The following DRC8 variants were observed in gnomAD, a reference collection of about 807,000 sequenced individuals.
The protein encoded by DRC8 is dynein regulatory complex subunit 8.
chr1:245,082,057 TG>T, the DRC8 span: 1 of 1,556,566 alleles, frequency 6.4e-7, no homozygotes, highest in Non-Finnish European at 8.9e-7. Context: ...AATGACTAAA[TG>T]GCTATTTACT....
At chr1:245,064,641 T>C in the DRC8 span, among the ~76,000 whole-genome samples, 1 of 151,586 alleles carries the variant, frequency 6.6e-6, no homozygotes, top group Non-Finnish European at 1.5e-5. Flanking sequence ...TGTTTGAAAG[T>C]GATTATGCTA....
the DRC8 span, among the ~76,000 whole-genome samples, chr1:245,068,364 GTTAA>G: frequency 6.6e-6 from 1 of 151,946 alleles, no homozygotes; most frequent in Non-Finnish European, 1.5e-5. Context: ...TATAATCATT[GTTAA>G]TATTTTGGTA....
chr1:245,118,321 C>T, the DRC8 span, among the ~76,000 whole-genome samples: 1 of 152,150 alleles, frequency 6.6e-6, no homozygotes, highest in African/African-American at 2.4e-5. Flanking sequence ...AACACAGGGA[C>T]AGGTGCGCTG....
the DRC8 span, among the ~76,000 whole-genome samples, chr1:245,114,895 T>C: frequency 4.0e-5 from 6 of 151,838 alleles, no homozygotes; most frequent in African/African-American, 1.2e-4. Context: ...CCAACTAATT[T>C]TTGTATTTTT....
the DRC8 span, among the ~76,000 whole-genome samples, chr1:245,042,696 A>G: frequency 2.0e-5 from 3 of 152,250 alleles, no homozygotes; most frequent in African/African-American, 7.2e-5. Context: ...GCATAATATT[A>G]GCTATTTAAT....
chr1:244,980,392 T>G, the DRC8 span, among the ~76,000 whole-genome samples: 1 of 152,126 alleles, frequency 6.6e-6, no homozygotes, highest in Non-Finnish European at 1.5e-5. Flanking sequence ...AATAAAGTTT[T>G]TTTTAGCAAG....
At chr1:245,047,111 C>A in the DRC8 span, among the ~76,000 whole-genome samples, 47 of 152,222 alleles carry the variant, frequency 3.1e-4, no homozygotes, top group Admixed American at 3.1e-3. Flanking sequence ...AAAAGGGCTT[C>A]GTCTTTTCCA....
the DRC8 span, among the ~76,000 whole-genome samples, chr1:245,031,380 A>G: frequency 2.0e-5 from 3 of 151,814 alleles, no homozygotes; most frequent in South Asian, 2.1e-4. Context: ...GTTTTTACCA[A>G]TGAAATGTGG....
At chr1:245,012,494 TTTAA>T in the DRC8 span, among the ~76,000 whole-genome samples, 1 of 151,738 alleles carries the variant, frequency 6.6e-6, no homozygotes, top group Non-Finnish European at 1.5e-5. Flanking sequence ...ACTGAAAGAT[TTTAA>T]TTAATACATT....
At chr1:245,025,077 C>T in the DRC8 span, among the ~76,000 whole-genome samples, 1 of 151,874 alleles carries the variant, frequency 6.6e-6, no homozygotes, top group Non-Finnish European at 1.5e-5. Context: ...AAATTACACA[C>T]CTTTGGAGTA....
the DRC8 span, among the ~76,000 whole-genome samples, chr1:245,096,346 C>T: frequency 3.3e-5 from 5 of 152,234 alleles, no homozygotes; most frequent in Non-Finnish European, 7.3e-5. Flanking sequence ...CCAACACAGG[C>T]GGGACGAGGG....
chr1:245,120,572 C>G, the DRC8 span, among the ~76,000 whole-genome samples: 7 of 152,188 alleles, frequency 4.6e-5, no homozygotes, highest in Non-Finnish European at 7.3e-5. Flanking sequence ...TAGAACTAGA[C>G]TTCAGCCTTT....
chr1:245,097,135 C>G, the DRC8 span, among the ~76,000 whole-genome samples: 1 of 152,118 alleles, frequency 6.6e-6, no homozygotes, highest in East Asian at 1.9e-4. This position sits in a 1 kb window ranked among gnomAD's most constrained non-coding sequence, Gnocchi z 5.0. Context: ...AAACTTGTGA[C>G]CTCAGGGACT....
At chr1:245,067,355 G>A in the DRC8 span, among the ~76,000 whole-genome samples, 1 of 152,124 alleles carries the variant, frequency 6.6e-6, no homozygotes, top group Non-Finnish European at 1.5e-5. Context: ...ATTTCGCTAA[G>A]TGAGGAAACC....
the DRC8 span, among the ~76,000 whole-genome samples, chr1:244,982,929 G>A: frequency 1.3e-5 from 2 of 152,034 alleles, no homozygotes; most frequent in Non-Finnish European, 2.9e-5. Flanking sequence ...AATTAGCCAG[G>A]TGTGGTGGTG....
chr1:245,057,930 CTT>C, the DRC8 span, among the ~76,000 whole-genome samples: 1 of 152,180 alleles, frequency 6.6e-6, no homozygotes, highest in Non-Finnish European at 1.5e-5. Flanking sequence ...CCCAATATCT[CTT>C]TGTCCTCCTT....
At chr1:245,032,700 T>C in the DRC8 span, among the ~76,000 whole-genome samples, 1 of 152,172 alleles carries the variant, frequency 6.6e-6, no homozygotes, top group Non-Finnish European at 1.5e-5. Context: ...GCTGGGGGTA[T>C]GTAACTAGTT....
At chr1:245,061,607 T>C in the DRC8 span, among the ~76,000 whole-genome samples, 4 of 152,020 alleles carry the variant, frequency 2.6e-5, no homozygotes, top group Admixed American at 2.6e-4. Context: ...AAAAAGCACA[T>C]AAAAAAAGCA....
the DRC8 span, among the ~76,000 whole-genome samples, chr1:245,011,832 T>C: frequency 1.3e-5 from 2 of 152,260 alleles, no homozygotes; most frequent in Non-Finnish European, 2.9e-5. Flanking sequence ...ATACACACTA[T>C]AAATGACCAT....
Sources: gnomAD v4.1 joint callset for allele counts (sites outside exome capture counted in the v4.1 genomes callset) on GRCh38, gnomAD v4.1.1 for gene constraint, Gnocchi (gnomAD v3.1) non-coding constraint, MANE v1.5 for transcripts, NCBI Gene and HGNC (gene_info 2026-07-23, HGNC 2026-07-21) for gene names.